The following SGSM1 variants were observed in gnomAD, a reference collection of about 807,000 sequenced individuals.
SGSM1 encodes the protein small G protein signaling modulator 1, also known as RUN and TBC1 domain containing 2.
SGSM1 carries 73 observed loss-of-function variants against 133.8 expected under a neutral mutation model. The observed-to-expected ratio is 0.55, with a 90% CI of 0.45 to 0.66. The LOEUF is 0.66. Ranked by LOEUF, SGSM1 falls within the 30% of genes least tolerant of loss-of-function variation. SGSM1 has a pLI of 0.00. For missense variants in SGSM1, 1,213 were observed against 1,448.1 expected (o/e 0.84, Z 2.64); for synonymous variants, 563 against 573.0 (o/e 0.98, Z 0.25).
At chr22:24,824,969 G>T (rs556714912) in intron 2 of SGSM1, among the ~76,000 whole-genome samples, 1 of 152,184 alleles carries the variant, frequency 6.6e-6, no homozygotes, top group Admixed American at 6.6e-5. Flanking sequence ...AGGAGCACTC[G>T]AGAAATATTG....
intron 2 of SGSM1, among the ~76,000 whole-genome samples, chr22:24,808,552 T>C (rs1263003897): frequency 6.6e-6 from 1 of 152,114 alleles, no homozygotes; most frequent in African/African-American, 2.4e-5. Context: ...GTCCCTGAGA[T>C]GTTTTTGCCT....
chr22:24,877,557 T>C (rs1932083852), intron 13 of SGSM1, among the ~76,000 whole-genome samples: 1 of 151,984 alleles, frequency 6.6e-6, no homozygotes, highest in Non-Finnish European at 1.5e-5. Context: ...GGGGCTTCTG[T>C]CCTAGTGGGT....
intron 2 of SGSM1, among the ~76,000 whole-genome samples, chr22:24,826,321 A>G (rs1420750753): frequency 6.6e-6 from 1 of 152,184 alleles, no homozygotes; most frequent in Non-Finnish European, 1.5e-5. Flanking sequence ...TTAACTGGGC[A>G]CCCTGTAATT....
At chr22:24,863,733 TTTC>T (rs1931289389) in intron 9 of SGSM1, among the ~76,000 whole-genome samples, 1 of 150,114 alleles carries the variant, frequency 6.7e-6, no homozygotes, top group South Asian at 2.2e-4. Context: ...GAGCTCTTTT[TTTC>T]TTCTTTTCTT....
intron 2 of SGSM1, among the ~76,000 whole-genome samples, chr22:24,808,106 T>C (rs1343827051): frequency 6.6e-6 from 1 of 151,234 alleles, no homozygotes; most frequent in Admixed American, 6.6e-5. Flanking sequence ...ATCTTTTTTT[T>C]TTCTTGGTGT....
In SGSM1 at chr22:24,868,762, G is replaced by C. The variant is rs529211960; in HGVS notation, c.1198G>C (p.Gly400Arg). The change falls in exon 12 of 25, where the codon GGT (glycine) becomes CGT (arginine). Residue 400 changes from glycine to arginine, a missense_variant. By Grantham distance (125) the Gly-to-Arg change is moderately radical (BLOSUM62 -2). Transcript: ENST00000400358. ...TAAACTGCGCAAGCGAAGCCCTCAG[G>C]GTTCTGCCGAGTCCACATCTTCAGA... is the stretch of plus-strand genomic sequence containing the variant. ...FPKLRKRSPQ[G>R]SAESTSSDKD... 1.2e-4 allele frequency: 193 copies of C among 1,613,988 alleles called. No homozygotes were observed. Among genetic ancestry groups the C allele is most frequent in the East Asian group, 8.9e-4 (40 of 44,872 alleles).
At chr22:24,923,003 C>T (rs979254398) in intron 24 of SGSM1, among the ~76,000 whole-genome samples, 3 of 152,140 alleles carry the variant, frequency 2.0e-5, no homozygotes, top group Admixed American at 6.5e-5. Flanking sequence ...TGGTGCATAC[C>T]TGTAATCCCA....
At chr22:24,838,324 C>T (rs1929588691) in intron 2 of SGSM1, among the ~76,000 whole-genome samples, 1 of 152,154 alleles carries the variant, frequency 6.6e-6, no homozygotes, top group South Asian at 2.1e-4. Context: ...GAGAAGGGAG[C>T]TCAGTCTCAA....
At chr22:24,840,660 T>A (rs1464058455) in intron 2 of SGSM1, among the ~76,000 whole-genome samples, 2 of 152,044 alleles carry the variant, frequency 1.3e-5, no homozygotes, top group African/African-American at 4.8e-5. Flanking sequence ...TATTATTTCC[T>A]TCTTTCTGCT....
chr22:24,851,698 G>A (rs562548788), intron 5 of SGSM1, among the ~76,000 whole-genome samples: 1 of 152,130 alleles, frequency 6.6e-6, no homozygotes, highest in Non-Finnish European at 1.5e-5. Context: ...ATGTTCCAAG[G>A]GGGCGTGGTG....
chr22:24,832,395 G>T (rs1446485489), intron 2 of SGSM1, among the ~76,000 whole-genome samples: 1 of 152,188 alleles, frequency 6.6e-6, no homozygotes, highest in Non-Finnish European at 1.5e-5. Flanking sequence ...GCTTCTAGAG[G>T]TGCAGTTAAG....
chr22:24,847,938 C>T (rs1302041005), intron 4 of SGSM1, 142 bp downstream of exon 4: 3 of 1,189,234 alleles, frequency 2.5e-6, no homozygotes, highest in African/African-American at 1.6e-5. Context: ...TCTTTCCCAC[C>T]CCAGGGTCTT....
intron 5 of SGSM1, among the ~76,000 whole-genome samples, chr22:24,853,744 C>CT: frequency 6.6e-6 from 1 of 150,596 alleles, no homozygotes; most frequent in South Asian, 2.1e-4. Context: ...GTAGCTGGGA[C>CT]TACAGGCACC....
intron 24 of SGSM1, among the ~76,000 whole-genome samples, chr22:24,922,431 C>G (rs1934045104): frequency 6.7e-6 from 1 of 149,768 alleles, no homozygotes; most frequent in African/African-American, 2.5e-5. Context: ...CCGCCCACCT[C>G]GGCCTCCCAA....
intron 9 of SGSM1, among the ~76,000 whole-genome samples, chr22:24,864,301 A>G (rs142509507): frequency 1.4e-4 from 21 of 152,300 alleles, no homozygotes; most frequent in Middle Eastern, 3.4e-3. Context: ...TGACCCAGCA[A>G]TTCTGCTCAT....
At chr22:24,862,702 C>G (rs1931221794) in intron 9 of SGSM1, among the ~76,000 whole-genome samples, 1 of 152,180 alleles carries the variant, frequency 6.6e-6, no homozygotes, top group Non-Finnish European at 1.5e-5. Context: ...TTTACCTTCT[C>G]AGAGCTTACA....
chr22:24,875,411 T>C (rs1931979890), intron 12 of SGSM1, among the ~76,000 whole-genome samples: 1 of 152,166 alleles, frequency 6.6e-6, no homozygotes, highest in African/African-American at 2.4e-5. Context: ...TTACATTTTG[T>C]TTATGGTTAC....
intron 2 of SGSM1, among the ~76,000 whole-genome samples, chr22:24,841,802 G>A (rs373475451): frequency 2.0e-3 from 307 of 152,200 alleles, no homozygotes; most frequent in Non-Finnish European, 2.9e-3. Flanking sequence ...TCGCTCTATC[G>A]CCAGGCTGGA....
At chr22:24,810,550 A>T (rs1266200641) in intron 2 of SGSM1, among the ~76,000 whole-genome samples, 4 of 152,202 alleles carry the variant, frequency 2.6e-5, no homozygotes, top group African/African-American at 9.7e-5. Flanking sequence ...CCATTAAAGG[A>T]GCCAGCCATG....
Sources: allele counts gnomAD v4.1 joint callset (sites outside exome capture counted in the v4.1 genomes callset), GRCh38; gene constraint gnomAD v4.1.1; transcripts MANE v1.5; gene names NCBI Gene and HGNC (gene_info 2026-07-23, HGNC 2026-07-21).